Variants in DGKI observed in about 807,000 individuals in gnomAD.
The protein encoded by DGKI is diacylglycerol kinase iota.
Under a neutral mutation model 147.5 loss-of-function variants are expected in DGKI, and 55 were observed. The observed-to-expected ratio is 0.37, with a 90% confidence interval of 0.30 to 0.47. The LOEUF is 0.47. DGKI is among the 20% of genes least tolerant of loss of function. The pLI is 1.00. For missense variants in DGKI, 1,007 were observed against 1,323.8 expected (o/e 0.76, Z 3.71); for synonymous variants, 469 against 477.1 (o/e 0.98, Z 0.22).
rs1174379080 is a variant in DGKI, at chr7:137,386,009, T to C, written c.*5211A>G. Reference sequence around the variant, plus strand: ...AAATATTTTTCAAATAATGATTAAATACATGCACTTATGATTGATTCATGG... The same window carrying C: ...AAATATTTTTCAAATAATGATTAAACACATGCACTTATGATTGATTCATGG... On this transcript the variant is annotated 3_prime_UTR_variant, in exon 33 of 33. Transcript: ENST00000614521. 1 of 152,182 alleles carries C rather than the reference T, an allele frequency of 6.6e-6. No homozygotes were observed. Among genetic ancestry groups the C allele is most frequent in the Non-Finnish European group, 1.5e-5 (1 of 68,026 alleles). The allele number at this position is 152,182 out of a possible 1,614,324, so 9.4% of individuals were successfully genotyped here.
chr7:137,593,388 T>A (rs888394438), intron 12 of DGKI, among the ~76,000 whole-genome samples: 13 of 152,126 alleles, frequency 8.5e-5, no homozygotes, highest in African/African-American at 2.9e-4. Flanking sequence ...AAATACAAAT[T>A]TATCACATGA....
intron 27 of DGKI, among the ~76,000 whole-genome samples, chr7:137,450,759 A>T (rs1213541412): frequency 6.6e-6 from 1 of 151,224 alleles, no homozygotes; most frequent in Non-Finnish European, 1.5e-5. Flanking sequence ...ATAGTTACAT[A>T]TTTTTAATTA....
intron 1 of DGKI, among the ~76,000 whole-genome samples, chr7:137,695,946 G>A (rs928415946): frequency 2.0e-5 from 3 of 152,164 alleles, no homozygotes; most frequent in Non-Finnish European, 1.5e-5. Flanking sequence ...TAAAAATAGC[G>A]CCTAACTCAG....
intron 1 of DGKI, among the ~76,000 whole-genome samples, chr7:137,788,667 CACACACACACACA>C (rs1796752309): frequency 2.0e-5 from 3 of 147,176 alleles, no homozygotes; most frequent in African/African-American, 7.9e-5. Flanking sequence ...CACACACATA[CACACACACACACA>C]CCTCCATCCC....
At chr7:137,471,459 CT>C (rs1814883691) in intron 23 of DGKI, among the ~76,000 whole-genome samples, 1 of 152,158 alleles carries the variant, frequency 6.6e-6, no homozygotes, top group Admixed American at 6.5e-5. Flanking sequence ...ACACTCCCTG[CT>C]GCCCTACTTG....
chr7:137,599,967 C>G, intron 10 of DGKI, 62 bp from the exon 11 acceptor site: 2 of 1,337,936 alleles, frequency 1.5e-6, no homozygotes, highest in Non-Finnish European at 2.1e-6. Flanking sequence ...AATAACTGCT[C>G]ATTTAAAAAA....
At chr7:137,499,984 G>A (rs1816112830) in intron 21 of DGKI, among the ~76,000 whole-genome samples, 2 of 152,114 alleles carry the variant, frequency 1.3e-5, no homozygotes, top group African/African-American at 4.8e-5. Flanking sequence ...TCCTGAGCTT[G>A]GACTTCCTGC....
intron 20 of DGKI, 44 bp downstream of exon 20, chr7:137,552,325 C>G: frequency 6.2e-7 from 1 of 1,606,306 alleles, no homozygotes; most frequent in Non-Finnish European, 8.5e-7. Flanking sequence ...ACTCTCCTCT[C>G]CAAGGTCTTC....
chr7:137,843,230 C>CT (rs199689390), intron 1 of DGKI, among the ~76,000 whole-genome samples: 5,623 of 142,588 alleles, frequency 0.039, 266 homozygotes, highest in African/African-American at 0.12. Flanking sequence ...TTTCTGAAGT[C>CT]TTTTTTTTTT....
intron 1 of DGKI, among the ~76,000 whole-genome samples, chr7:137,721,491 CT>C: frequency 1.3e-5 from 2 of 152,158 alleles, no homozygotes; most frequent in Non-Finnish European, 2.9e-5. Context: ...TATCTCTCCA[CT>C]GCCTCTACCA....
chr7:137,461,184 G>C (rs545379528), intron 27 of DGKI, among the ~76,000 whole-genome samples: 1 of 152,326 alleles, frequency 6.6e-6, no homozygotes, highest in South Asian at 2.1e-4. Context: ...TGGGAAGATA[G>C]TGTAGGACAA....
chr7:137,582,408 C>A (rs1240139578), intron 14 of DGKI, among the ~76,000 whole-genome samples: 1 of 149,640 alleles, frequency 6.7e-6, no homozygotes, highest in Non-Finnish European at 1.5e-5. Flanking sequence ...TTATCCATCA[C>A]CCATTTTCTC....
intron 21 of DGKI, among the ~76,000 whole-genome samples, chr7:137,498,203 T>A (rs1043660512): frequency 1.3e-5 from 2 of 151,462 alleles, no homozygotes; most frequent in Non-Finnish European, 2.9e-5. Flanking sequence ...TTAGAAAAGT[T>A]AAAAGATAAA....
intron 22 of DGKI, among the ~76,000 whole-genome samples, chr7:137,486,139 G>T (rs888443171): frequency 5.3e-5 from 8 of 152,030 alleles, no homozygotes; most frequent in African/African-American, 1.9e-4. Context: ...TTCCCACAGG[G>T]TTTCATCACA....
intron 30 of DGKI, among the ~76,000 whole-genome samples, chr7:137,403,081 G>C (rs940233299): frequency 1.3e-5 from 2 of 152,014 alleles, no homozygotes; most frequent in Non-Finnish European, 2.9e-5. Context: ...GGGCAAACGA[G>C]GGGGGAGGGA....
intron 20 of DGKI, among the ~76,000 whole-genome samples, chr7:137,550,348 G>A (rs577996199): frequency 6.6e-6 from 1 of 152,048 alleles, no homozygotes; most frequent in South Asian, 2.1e-4. Flanking sequence ...TCTAATTTTT[G>A]TATTTATAGC....
At chr7:137,506,372 T>C (rs1816369003) in intron 21 of DGKI, among the ~76,000 whole-genome samples, 1 of 152,274 alleles carries the variant, frequency 6.6e-6, no homozygotes, top group Middle Eastern at 3.4e-3. Flanking sequence ...TGATGTATAA[T>C]TCCAATTATG....
chr7:137,557,319 C>T (rs1023715168), intron 19 of DGKI, among the ~76,000 whole-genome samples: 9 of 151,758 alleles, frequency 5.9e-5, no homozygotes, highest in African/African-American at 2.2e-4. Flanking sequence ...GGATAGCAGA[C>T]TGCCCCTGTT....
intron 20 of DGKI, among the ~76,000 whole-genome samples, chr7:137,526,274 T>C (rs1224709141): frequency 2.0e-5 from 3 of 152,092 alleles, no homozygotes; most frequent in Non-Finnish European, 4.4e-5. Flanking sequence ...ACTGCCATAC[T>C]GATTAGGCTC....
Sources: gnomAD v4.1 joint callset for allele counts (sites outside exome capture counted in the v4.1 genomes callset) on GRCh38, gnomAD v4.1.1 for gene constraint, MANE v1.5 for transcripts, NCBI Gene and HGNC (gene_info 2026-07-23, HGNC 2026-07-21) for gene names.